SASH1: variants seen among roughly 807,000 people sequenced by gnomAD.
SASH1 encodes SAM and SH3 domain containing 1.
A neutral mutation model predicts 125.2 loss-of-function variants in SASH1; 44 were observed. That is an observed-to-expected ratio of 0.35 (90% CI 0.28 to 0.45). The LOEUF (loss-of-function observed/expected upper bound fraction) is 0.45. SASH1 is among the 20% of genes least tolerant of loss of function. The probability of loss-of-function intolerance (pLI) is 1.00; values close to 1 mark genes in which losing one functional copy is unlikely to be tolerated. For missense variants in SASH1, 1,426 were observed against 1,614.5 expected, an observed-to-expected ratio of 0.88 and a Z score of 2.00; for synonymous variants, 639 against 649.1, an observed-to-expected ratio of 0.98 and a Z score of 0.24.
At chr6:148,341,761 G>C (rs1781335440), upstream of SASH1, among the ~76,000 whole-genome samples, 1 of 150,656 alleles carries the variant, frequency 6.6e-6, no homozygotes, top group Admixed American at 6.6e-5. Flanking sequence ...TCTCCCTGGG[G>C]CATCTCACTT....
chr6:148,263,805 A>T, the SASH1 span, among the ~76,000 whole-genome samples: 3 of 152,214 alleles, frequency 2.0e-5, no homozygotes, highest in Non-Finnish European at 4.4e-5. Context: ...ACTCCGTGTT[A>T]GAAGGAATGT....
the SASH1 span, among the ~76,000 whole-genome samples, chr6:148,260,275 A>C: frequency 1.3e-5 from 2 of 152,162 alleles, no homozygotes; most frequent in African/African-American, 4.8e-5. Flanking sequence ...TTTTTATATT[A>C]TGAAATATTT....
intron 2 of SASH1, among the ~76,000 whole-genome samples, chr6:148,425,691 C>T (rs1775781342): frequency 9.2e-6 from 1 of 108,734 alleles, no homozygotes; most frequent in Non-Finnish European, 1.8e-5. Flanking sequence ...CCCCTCCCCT[C>T]CCCTCCCCTT....
intron 2 of SASH1, among the ~76,000 whole-genome samples, chr6:148,401,826 G>C (rs1343459987): frequency 6.6e-6 from 1 of 152,082 alleles, no homozygotes; most frequent in Non-Finnish European, 1.5e-5. Context: ...CAACAGCAGA[G>C]ACATGATTTC....
the SASH1 span, among the ~76,000 whole-genome samples, chr6:148,216,860 A>G: frequency 6.6e-6 from 1 of 152,010 alleles, no homozygotes; most frequent in African/African-American, 2.4e-5. Context: ...GCTCCCGAGT[A>G]GCTGGAATTA....
the SASH1 span, among the ~76,000 whole-genome samples, chr6:148,255,704 G>A: frequency 6.6e-6 from 1 of 151,938 alleles, no homozygotes; most frequent in African/African-American, 2.4e-5. Flanking sequence ...GTGGCGTGGT[G>A]CCATCTCTGC....
chr6:148,348,523 C>G (rs1001311559), intron 1 of SASH1, among the ~76,000 whole-genome samples: 7 of 152,136 alleles, frequency 4.6e-5, no homozygotes, highest in African/African-American at 1.7e-4. Context: ...AGGCAGTGCT[C>G]CTGTGTAGAG....
intron 10 of SASH1, among the ~76,000 whole-genome samples, chr6:148,523,065 C>T (rs150589082): frequency 1.4e-3 from 211 of 152,312 alleles, no homozygotes; most frequent in African/African-American, 4.8e-3. Context: ...TAAATGCATA[C>T]AATAGGCATG....
intron 2 of SASH1, among the ~76,000 whole-genome samples, chr6:148,424,070 T>G (rs183651915): frequency 4.9e-4 from 75 of 152,194 alleles, no homozygotes; most frequent in Admixed American, 1.4e-3. Flanking sequence ...GCTTGAATGC[T>G]CCATTGATGT....
intron 1 of SASH1, among the ~76,000 whole-genome samples, chr6:148,349,011 AAGT>A (rs1781611696): frequency 6.6e-6 from 1 of 152,180 alleles, no homozygotes; most frequent in African/African-American, 2.4e-5. Flanking sequence ...CCTGAGGGAT[AAGT>A]AGGAGTTCCC....
intron 7 of SASH1, among the ~76,000 whole-genome samples, chr6:148,476,344 G>A (rs554203073): frequency 1.3e-5 from 2 of 149,502 alleles, no homozygotes; most frequent in African/African-American, 4.9e-5. Context: ...CATTAAAATG[G>A]CTATGCTACC....
At chr6:148,289,974 A>G (rs1280302431) in intron 1 of SASH1, among the ~76,000 whole-genome samples, 1 of 144,140 alleles carries the variant, frequency 6.9e-6, no homozygotes, top group East Asian at 2.1e-4. Context: ...TTCAAGCAAT[A>G]CTCCTGCCTC....
At chr6:148,366,772 A>G (rs961561684) in intron 1 of SASH1, among the ~76,000 whole-genome samples, 1 of 151,706 alleles carries the variant, frequency 6.6e-6, no homozygotes, top group Non-Finnish European at 1.5e-5. Context: ...TAATTTTTGT[A>G]TTTTTGGCAG....
At chr6:148,277,928 G>C (rs925387350) in intron 1 of SASH1, among the ~76,000 whole-genome samples, 1 of 152,178 alleles carries the variant, frequency 6.6e-6, no homozygotes, top group African/African-American at 2.4e-5. Context: ...TATTGGCCAG[G>C]CTGGTCTCAA....
intron 2 of SASH1, among the ~76,000 whole-genome samples, chr6:148,403,705 T>C (rs1245906160): frequency 1.3e-5 from 2 of 152,134 alleles, no homozygotes; most frequent in Non-Finnish European, 2.9e-5. Flanking sequence ...CTGATTTTTG[T>C]ATTTTTAGTA....
rs1782799471 is a variant in SASH1, at chr6:148,374,068, T to C, written c.157-16066T>C. On this transcript the variant is annotated intron_variant, in intron 1 of 19. Transcript: ENST00000367467. ...CACGGTCCATCCTGACAGAATCAAC[T>C]AGGCGTCTTGACAGTACATTGAATT... is the stretch of plus-strand genomic sequence containing the variant. 2.0e-5 allele frequency among the ~76,000 whole-genome samples: 3 copies of C among 152,256 alleles called. No homozygotes were observed. The South Asian group carries it at 6.2e-4, about 32-fold the overall frequency.
intron 1 of SASH1, among the ~76,000 whole-genome samples, chr6:148,334,867 G>A (rs1356622941): frequency 2.6e-5 from 4 of 151,108 alleles, no homozygotes; most frequent in Non-Finnish European, 4.4e-5. Flanking sequence ...CCAGCTACTC[G>A]GGAGGCTGAG....
chr6:148,450,582 T>C (rs976481430), intron 4 of SASH1, among the ~76,000 whole-genome samples: 1 of 152,120 alleles, frequency 6.6e-6, no homozygotes, highest in Non-Finnish European at 1.5e-5. Flanking sequence ...TGTCTCTTAA[T>C]GTACTTTAAC....
At chr6:148,506,714 C>A (rs1343508313) in intron 8 of SASH1, among the ~76,000 whole-genome samples, 1 of 152,116 alleles carries the variant, frequency 6.6e-6, no homozygotes, top group Non-Finnish European at 1.5e-5. Flanking sequence ...TCCCTTTACC[C>A]CAGTCTCACT....
Sources: allele counts gnomAD v4.1 joint callset (sites outside exome capture counted in the v4.1 genomes callset), GRCh38; gene constraint gnomAD v4.1.1; transcripts MANE v1.5; gene names NCBI Gene and HGNC (gene_info 2026-07-23, HGNC 2026-07-21).